The following BDH1 variants were observed in gnomAD, a reference collection of about 807,000 sequenced individuals.
The protein encoded by BDH1 is 3-hydroxybutyrate dehydrogenase 1.
BDH1 carries 30 observed loss-of-function variants against 33.1 expected under a neutral mutation model. The ratio of observed to expected loss-of-function variants is 0.91; its 90% CI spans 0.68 to 1.23. The LOEUF (loss-of-function observed/expected upper bound fraction) is 1.23, where lower values mean the gene tolerates loss of function less well. BDH1 is among the 50% of genes most tolerant of loss of function. The pLI is 0.00. For synonymous variants in BDH1, 190 were observed against 183.6 expected (o/e 1.03, Z -0.28); for missense variants, 443 against 464.4 (o/e 0.95, Z 0.42).
chr3:197,524,016 A>G (rs916893665), intron 5 of BDH1, among the ~76,000 whole-genome samples: 2 of 152,186 alleles, frequency 1.3e-5, no homozygotes, highest in Non-Finnish European at 2.9e-5. Flanking sequence ...TGTCCTGAGC[A>G]CTGTGCTAAG....
chr3:197,525,949 T>C lies in BDH1; in HGVS notation c.268-3168A>G, dbSNP rs60170583. Reference sequence around the variant, plus strand: ...TCTCTGGAGTCTCTGTCCACCTCTGTCTGGCTGCTCAGGGACAAGCTTTTA... The same window carrying C: ...TCTCTGGAGTCTCTGTCCACCTCTGCCTGGCTGCTCAGGGACAAGCTTTTA... On this transcript the variant is annotated intron_variant, in intron 5 of 7. Coordinates refer to ENST00000392379, the MANE Select transcript of BDH1 (RefSeq NM_203314.3). The surrounding 1 kb of genome is among the most constrained non-coding windows in gnomAD (Gnocchi z 4.9). Among the ~76,000 whole-genome samples, 12,459 of 152,234 alleles carry C rather than the reference T, an allele frequency of 0.082. 1,003 individuals carry two copies. Among genetic ancestry groups the C allele is most frequent in the African/African-American group, 0.2 (8,364 of 41,522 alleles).
At chr3:197,547,580 C>A (rs1401744296) in intron 2 of BDH1, among the ~76,000 whole-genome samples, 1 of 152,264 alleles carries the variant, frequency 6.6e-6, no homozygotes, top group Non-Finnish European at 1.5e-5. Context: ...TCCAGAACTA[C>A]AGTAAACTCT....
chr3:197,549,975 T>TTATTTTTATATATATATATATATA (rs1553875236), intron 2 of BDH1, among the ~76,000 whole-genome samples: 22 of 146,966 alleles, frequency 1.5e-4, no homozygotes, highest in Middle Eastern at 3.4e-3. Context: ...CAAATAACTA[T>TTATTTTTATATATATATATATATA]TATATATATA....
At chr3:197,551,581 A>G (rs1716571047) in intron 2 of BDH1, among the ~76,000 whole-genome samples, 1 of 152,180 alleles carries the variant, frequency 6.6e-6, no homozygotes, top group Non-Finnish European at 1.5e-5. Flanking sequence ...CCTTTTGGGT[A>G]TATACCCAGC....
intron 5 of BDH1, among the ~76,000 whole-genome samples, chr3:197,532,070 G>T (rs1002849632): frequency 6.6e-6 from 1 of 152,142 alleles, no homozygotes; most frequent in South Asian, 2.1e-4. Context: ...TGCTTCACTC[G>T]AATTCTTCAG....
At chr3:197,540,942 G>A (rs530436923) in intron 3 of BDH1, among the ~76,000 whole-genome samples, 1 of 152,162 alleles carries the variant, frequency 6.6e-6, no homozygotes, top group African/African-American at 2.4e-5. Context: ...GTGGGGCTGT[G>A]AATACTCCTG....
rs1716081850 is a variant in BDH1 at position 197,546,393 on chromosome 3, G to A, written c.51C>T (p.Thr17=). The change falls in exon 3 of 8, where the codon ACC becomes ACT. Residue 17 remains threonine, a synonymous_variant. Transcript: ENST00000392379. ...SRPLSRLPGK[T]LSACDRENGA... Reference sequence around the variant, plus strand: ...CATTTTCTCTATCACAGGCACTTAGGGTTTTTCCTGGGAGCCGTGACAGGG... The same window carrying A: ...CATTTTCTCTATCACAGGCACTTAGAGTTTTTCCTGGGAGCCGTGACAGGG... 1 of 1,614,112 alleles carries A rather than the reference G, an allele frequency of 6.2e-7. No individual in the cohort carries two copies. Among genetic ancestry groups the A allele is most frequent in the Non-Finnish European group, 8.5e-7 (1 of 1,180,024 alleles).
intron 1 of BDH1, among the ~76,000 whole-genome samples, chr3:197,562,727 C>T (rs1717306764): frequency 6.6e-6 from 1 of 151,700 alleles, no homozygotes; most frequent in South Asian, 2.1e-4. Flanking sequence ...TGCACAAAAA[C>T]CCTAGGCCAC....
chr3:197,561,778 A>G (rs1040605109), intron 1 of BDH1, among the ~76,000 whole-genome samples: 9 of 152,214 alleles, frequency 5.9e-5, no homozygotes, highest in African/African-American at 2.2e-4. Context: ...TAAAACAAAC[A>G]AACAAAACAA....
intron 4 of BDH1, among the ~76,000 whole-genome samples, chr3:197,532,918 C>A (rs1377861589): frequency 6.6e-6 from 1 of 152,100 alleles, no homozygotes; most frequent in Non-Finnish European, 1.5e-5. Flanking sequence ...CTCTTGTTGC[C>A]CAGGCTGGAG....
intron 5 of BDH1, among the ~76,000 whole-genome samples, chr3:197,524,002 C>T (rs2108728262): frequency 6.6e-6 from 1 of 152,296 alleles, no homozygotes; most frequent in East Asian, 1.9e-4. Context: ...TCCCGAGTGT[C>T]CACTGTCCTG....
upstream of BDH1, among the ~76,000 whole-genome samples, chr3:197,558,031 C>T (rs1313073859): frequency 1.3e-5 from 2 of 152,214 alleles, no homozygotes; most frequent in Non-Finnish European, 2.9e-5. Flanking sequence ...TTCTTCTTTA[C>T]CCCAAGGGAA....
intron 1 of BDH1, among the ~76,000 whole-genome samples, chr3:197,564,383 C>G (rs1198416752): frequency 6.7e-6 from 1 of 150,266 alleles, no homozygotes; most frequent in Non-Finnish European, 1.5e-5. Context: ...AGGGAAAAAA[C>G]TGAGATTAAA....
rs532687273 is a variant in BDH1, at chr3:197,523,083, G to A, written c.268-302C>T. The A allele has an allele frequency of 2.1e-5, 8 of 380,498 alleles. No homozygotes were observed. Among genetic ancestry groups the A allele is most frequent in the Admixed American group, 1.8e-4 (4 of 22,628 alleles). The allele number at this position is 380,498 out of a possible 1,614,324, so 23.6% of individuals were successfully genotyped here. ...GGTTGCAAACTTATGTGGGGCAGGC[G>A]GGGGCCCTGGGGAGTACAGGACATG... On this transcript the variant is annotated intron_variant, in intron 5 of 7. Coordinates refer to ENST00000392379, the MANE Select transcript of BDH1 (RefSeq NM_203314.3). This position sits in a 1 kb window ranked among gnomAD's most constrained non-coding sequence, Gnocchi z 4.5.
intron 3 of BDH1, among the ~76,000 whole-genome samples, chr3:197,542,443 C>A (rs1157976073): frequency 6.6e-6 from 1 of 151,992 alleles, no homozygotes; most frequent in Admixed American, 6.6e-5. Context: ...CCACTAACAC[C>A]AACAGCTATG....
At chr3:197,536,355 A>G (rs1715153951) in intron 3 of BDH1, among the ~76,000 whole-genome samples, 1 of 152,168 alleles carries the variant, frequency 6.6e-6, no homozygotes, top group Non-Finnish European at 1.5e-5. Flanking sequence ...TAAATTTTAG[A>G]GTAATCTTGT....
chr3:197,556,808 C>T (rs148335420), upstream of BDH1, among the ~76,000 whole-genome samples: 65 of 152,384 alleles, frequency 4.3e-4, no homozygotes, highest in African/African-American at 1.6e-3. Context: ...CCCCACTGCG[C>T]TATCGCCCTG....
chr3:197,558,918 C>T (rs1229332567), upstream of BDH1, among the ~76,000 whole-genome samples: 1 of 152,126 alleles, frequency 6.6e-6, no homozygotes, highest in Non-Finnish European at 1.5e-5. Context: ...TCCCGAGAAC[C>T]TCTCCTAGAA....
At chr3:197,558,848 C>G (rs1310215979), upstream of BDH1, among the ~76,000 whole-genome samples, 1 of 152,162 alleles carries the variant, frequency 6.6e-6, no homozygotes. Context: ...GCACCGCTCT[C>G]TAGCAGCAAG....
Sources: gnomAD v4.1 joint callset for allele counts (sites outside exome capture counted in the v4.1 genomes callset) on GRCh38, gnomAD v4.1.1 for gene constraint, Gnocchi (gnomAD v3.1) non-coding constraint, MANE v1.5 for transcripts, NCBI Gene and HGNC (gene_info 2026-07-23, HGNC 2026-07-21) for gene names.